The following PRKCE variants were observed in gnomAD, a reference collection of about 807,000 sequenced individuals.
PRKCE encodes protein kinase C epsilon type.
Under a neutral mutation model 85.4 loss-of-function variants are expected in PRKCE, and 16 were observed. That is an observed-to-expected ratio of 0.19 (90% confidence interval 0.13 to 0.28). PRKCE has a LOEUF of 0.28. PRKCE is among the 10% of genes least tolerant of loss of function. The probability of loss-of-function intolerance (pLI) is 1.00; values close to 1 mark genes in which losing one functional copy is unlikely to be tolerated. For synonymous variants in PRKCE, 388 were observed against 371.5 expected (o/e 1.04, Z -0.51); for missense variants, 573 against 975.2 (o/e 0.59, Z 5.49).
intron 2 of PRKCE, among the ~76,000 whole-genome samples, chr2:45,957,978 T>C (rs1404632393): frequency 6.6e-6 from 1 of 150,658 alleles, no homozygotes; most frequent in East Asian, 2.0e-4. Context: ...TTAGAAGTGG[T>C]TCTCAACCCC....
intron 2 of PRKCE, among the ~76,000 whole-genome samples, chr2:45,940,245 A>G (rs920226785): frequency 6.6e-6 from 1 of 152,130 alleles, no homozygotes; most frequent in South Asian, 2.1e-4. Context: ...GAGAGGCCAG[A>G]TTAGGGGTAG....
chr2:45,652,128 A>G lies in PRKCE; in HGVS notation c.28A>G (p.Ile10Val), dbSNP rs1476120417. The G allele has an allele frequency of 6.3e-7, 1 of 1,589,644 alleles. No homozygotes were observed. Among genetic ancestry groups the G allele is most frequent in the Non-Finnish European group, 8.6e-7 (1 of 1,168,034 alleles). MVVFNGLLKIKICEAVSLKP... is the reference protein window; with the variant it reads MVVFNGLLKVKICEAVSLKP... ...GGTAGTGTTCAATGGCCTTCTTAAG[A>G]TCAAAATCTGCGAGGCCGTGAGCTT... Residue 10 changes from isoleucine (I) to valine (V), a missense_variant, in exon 1 of 15, where the codon ATC (isoleucine) becomes GTC (valine). Physicochemically the swap from Ile to Val is conservative, Grantham distance 29. Coordinates refer to ENST00000306156, the MANE Select transcript of PRKCE (RefSeq NM_005400.3). This position sits in a 1 kb window ranked among gnomAD's most constrained non-coding sequence, Gnocchi z 7.7.
chr2:45,834,245 C>T (rs977448087), intron 1 of PRKCE, among the ~76,000 whole-genome samples: 1 of 152,108 alleles, frequency 6.6e-6, no homozygotes, highest in African/African-American at 2.4e-5. Context: ...GACCTGGCTA[C>T]GGGTGATGAG....
intron 2 of PRKCE, among the ~76,000 whole-genome samples, chr2:45,880,310 T>C (rs145305263): frequency 4.7e-3 from 713 of 152,372 alleles, no homozygotes; most frequent in Admixed American, 7.9e-3. Context: ...CCATTGTGTC[T>C]ACTGCTGCAG....
intron 10 of PRKCE, among the ~76,000 whole-genome samples, chr2:46,016,563 C>G (rs761627803): frequency 1.3e-5 from 2 of 152,088 alleles, no homozygotes; most frequent in African/African-American, 2.4e-5. Context: ...CTTCGTGTAA[C>G]CTCTTTGCAT....
chr2:46,104,029 T>C (rs1671479782), intron 11 of PRKCE, among the ~76,000 whole-genome samples: 1 of 152,222 alleles, frequency 6.6e-6, no homozygotes, highest in Non-Finnish European at 1.5e-5. Context: ...CTTCCACCGT[T>C]TGCTTTATTT....
intron 1 of PRKCE, among the ~76,000 whole-genome samples, chr2:45,712,367 C>G (rs1405052267): frequency 1.3e-5 from 2 of 151,734 alleles, no homozygotes; most frequent in African/African-American, 2.4e-5. Context: ...ATTGGCCAGG[C>G]TGGTCTCGAA....
chr2:45,919,517 C>T (rs1285287826), intron 2 of PRKCE, among the ~76,000 whole-genome samples: 1 of 152,240 alleles, frequency 6.6e-6, no homozygotes, highest in Non-Finnish European at 1.5e-5. Flanking sequence ...TCCTCCTGCA[C>T]CCCTCTTCCA....
chr2:45,750,706 T>C (rs1414748504), intron 1 of PRKCE, among the ~76,000 whole-genome samples: 1 of 152,214 alleles, frequency 6.6e-6, no homozygotes, highest in Non-Finnish European at 1.5e-5. Context: ...CATACCTATA[T>C]CATGGGTCAT....
intron 10 of PRKCE, among the ~76,000 whole-genome samples, chr2:46,023,852 C>G (rs1280896887): frequency 6.6e-6 from 1 of 151,436 alleles, no homozygotes; most frequent in African/African-American, 2.4e-5. Context: ...CCTTCAATTT[C>G]AGGGTCATCT....
chr2:45,695,297 C>T (rs1313590640), intron 1 of PRKCE, among the ~76,000 whole-genome samples: 1 of 152,102 alleles, frequency 6.6e-6, no homozygotes. Context: ...TTAATGAAAC[C>T]ATCACCACCC....
At chr2:45,761,467 T>C (rs545485624) in intron 1 of PRKCE, among the ~76,000 whole-genome samples, 22 of 152,328 alleles carry the variant, frequency 1.4e-4, no homozygotes, top group African/African-American at 4.6e-4. Flanking sequence ...ACAACACTTA[T>C]GTCATCTTCA....
At chr2:45,724,226 A>G (rs77363822) in intron 1 of PRKCE, among the ~76,000 whole-genome samples, 2,716 of 152,278 alleles carry the variant, frequency 0.018, 83 homozygotes, top group African/African-American at 0.063. Context: ...CATTTCTGCA[A>G]TATTTCAAAC....
At chr2:45,776,079 T>C (rs1219613012) in intron 1 of PRKCE, among the ~76,000 whole-genome samples, 1 of 152,230 alleles carries the variant, frequency 6.6e-6, no homozygotes, top group Non-Finnish European at 1.5e-5. Context: ...CCTTACCCCA[T>C]GCTATTTATT....
intron 5 of PRKCE, 107 bp downstream of exon 5, chr2:45,980,488 A>G: frequency 9.7e-7 from 1 of 1,033,930 alleles, no homozygotes; most frequent in Non-Finnish European, 1.4e-6. Context: ...AGACCCTGTC[A>G]TTTCATTGTG....
At chr2:46,082,688 A>G (rs1382349722) in intron 10 of PRKCE, among the ~76,000 whole-genome samples, 2 of 152,320 alleles carry the variant, frequency 1.3e-5, no homozygotes, top group Non-Finnish European at 2.9e-5. Context: ...GAAGAGGCGA[A>G]GCCCATGAGA....
intron 2 of PRKCE, among the ~76,000 whole-genome samples, chr2:45,885,870 A>AT (rs1181594792): frequency 6.6e-6 from 1 of 152,220 alleles, no homozygotes; most frequent in Non-Finnish European, 1.5e-5. Flanking sequence ...GCAAAATCTT[A>AT]TTTTAAGTGC....
intron 10 of PRKCE, among the ~76,000 whole-genome samples, chr2:46,077,171 A>G (rs1668631307): frequency 6.6e-6 from 1 of 150,410 alleles, no homozygotes; most frequent in South Asian, 2.1e-4. Context: ...TCTCGTGCAC[A>G]CACACACACA....
chr2:45,893,019 C>G (rs1246202280), intron 2 of PRKCE, among the ~76,000 whole-genome samples: 1 of 152,158 alleles, frequency 6.6e-6, no homozygotes, highest in African/African-American at 2.4e-5. Flanking sequence ...TTCCGCTGCA[C>G]AGAGAAGTGT....
Sources: gnomAD v4.1 joint callset for allele counts (sites outside exome capture counted in the v4.1 genomes callset) on GRCh38, gnomAD v4.1.1 for gene constraint, Gnocchi (gnomAD v3.1) non-coding constraint, MANE v1.5 for transcripts, NCBI Gene and HGNC (gene_info 2026-07-23, HGNC 2026-07-21) for gene names.